Variants in COLQ observed in about 807,000 individuals in gnomAD.
COLQ encodes the protein acetylcholinesterase collagenic tail peptide.
A neutral mutation model predicts 69.0 loss-of-function variants in COLQ; 48 were observed. That is an observed-to-expected ratio of 0.70 (90% CI 0.55 to 0.88). COLQ has a LOEUF of 0.88. Among genes scored for constraint, COLQ ranks in the 40% least tolerant of loss-of-function variants. The pLI, the probability that COLQ is intolerant of heterozygous loss-of-function variation, is 0.00. For missense variants in COLQ, 618 were observed against 594.6 expected, an observed-to-expected ratio of 1.04 and a Z score of -0.41; for synonymous variants, 217 against 211.2, an observed-to-expected ratio of 1.03 and a Z score of -0.24.
Position 15,473,169 on chromosome 3 carries a change from T to C in COLQ, c.636+831A>G, listed in dbSNP as rs1431532837. Among the ~76,000 whole-genome samples the C allele has an allele frequency of 1.3e-5, 2 of 152,154 alleles. No homozygotes were observed. Among genetic ancestry groups the C allele is most frequent in the Admixed American group, 6.5e-5 (1 of 15,284 alleles). ...AAATATTTAACTATTTATTTATTTATTGAGACAGGGTCTGCCTCTGTGGCC... is the reference window on the plus strand; with the variant it reads ...AAATATTTAACTATTTATTTATTTACTGAGACAGGGTCTGCCTCTGTGGCC... On this transcript the variant is annotated intron_variant, in intron 10 of 16. Transcript: ENST00000383788. This position sits in a 1 kb window ranked among gnomAD's most constrained non-coding sequence, Gnocchi z 4.0.
At chr3:15,486,309 T>C (rs762286229) in intron 3 of COLQ, among the ~76,000 whole-genome samples, 1 of 152,218 alleles carries the variant, frequency 6.6e-6, no homozygotes, top group Non-Finnish European at 1.5e-5. Context: ...TCTGATAGAA[T>C]GAATTTGTCA....
intron 1 of COLQ, among the ~76,000 whole-genome samples, chr3:15,506,152 C>T (rs2062908181): frequency 6.6e-6 from 1 of 152,208 alleles, no homozygotes; most frequent in Admixed American, 6.5e-5. Context: ...CACTTATCAA[C>T]TGAGCAAGTT....
chr3:15,458,513 C>T (rs534822916), intron 12 of COLQ, among the ~76,000 whole-genome samples, 188 bp from the exon 13 acceptor site: 4 of 152,342 alleles, frequency 2.6e-5, no homozygotes, highest in Admixed American at 2.6e-4. Context: ...AGAAAAATAG[C>T]TGGTAGGCGA....
At chr3:15,479,227 CAG>C (rs764660422) in intron 4 of COLQ, 109 bp downstream of exon 4, 6 of 1,259,542 alleles carry the variant, frequency 4.8e-6, no homozygotes, top group Non-Finnish European at 7.0e-6. Flanking sequence ...CTCACCAAGG[CAG>C]AGTTAGCACA....
intron 5 of COLQ, chr3:15,477,633 T>C (rs1473426830): frequency 5.5e-6 from 1 of 181,720 alleles, no homozygotes; most frequent in African/African-American, 2.4e-5. Flanking sequence ...CCTTCCTTGC[T>C]GCTAACAGCT....
chr3:15,508,786 G>T (rs1343620456), intron 1 of COLQ, among the ~76,000 whole-genome samples: 3 of 151,874 alleles, frequency 2.0e-5, no homozygotes, highest in South Asian at 2.1e-4. Context: ...CAAATTTTCA[G>T]TCTCATTCAT....
intron 8 of COLQ, 126 bp downstream of exon 8, chr3:15,474,799 A>C: frequency 4.5e-6 from 5 of 1,110,020 alleles, no homozygotes; most frequent in Non-Finnish European, 6.8e-6. Context: ...AGGGTGGGGA[A>C]TAGCTAGGGA....
intron 5 of COLQ, among the ~76,000 whole-genome samples, chr3:15,478,239 T>C (rs1195099513): frequency 6.6e-6 from 1 of 152,214 alleles, no homozygotes; most frequent in Non-Finnish European, 1.5e-5. Context: ...ATAGTTTTCA[T>C]CTGTGCCCTA....
chr3:15,489,464 T>C, intron 2 of COLQ, 61 bp downstream of exon 2: 1 of 1,489,820 alleles, frequency 6.7e-7, no homozygotes, highest in Non-Finnish European at 9.4e-7. Flanking sequence ...CAGGTGGGGC[T>C]GCGTGGTGTG....
chr3:15,491,205 A>G (rs539004016), intron 1 of COLQ, among the ~76,000 whole-genome samples: 2 of 152,364 alleles, frequency 1.3e-5, no homozygotes, highest in South Asian at 4.1e-4. Flanking sequence ...AAAAAAAAGA[A>G]AAGTGGGTGT....
chr3:15,467,232 C>A (rs2062213456), intron 11 of COLQ, among the ~76,000 whole-genome samples: 1 of 152,246 alleles, frequency 6.6e-6, no homozygotes, highest in African/African-American at 2.4e-5. Context: ...TGGTAGGCAG[C>A]TTTGCTGATC....
intron 3 of COLQ, among the ~76,000 whole-genome samples, chr3:15,483,820 G>T (rs1019984110): frequency 6.6e-6 from 1 of 152,266 alleles, no homozygotes; most frequent in East Asian, 1.9e-4. Flanking sequence ...GGGTGTTGAA[G>T]TCTCCCATTA....
chr3:15,512,391 G>T (rs2062998668), intron 1 of COLQ, among the ~76,000 whole-genome samples: 1 of 152,190 alleles, frequency 6.6e-6, no homozygotes, highest in Non-Finnish European at 1.5e-5. Context: ...AGAGATAAGT[G>T]CGGGCTTGAA....
intron 1 of COLQ, among the ~76,000 whole-genome samples, chr3:15,516,934 G>A (rs2063071045): frequency 6.6e-6 from 1 of 152,172 alleles, no homozygotes; most frequent in South Asian, 2.1e-4. Context: ...TTGAGGTCAG[G>A]AGTTCGAGAC....
rs749985637 is a variant in COLQ at position 15,451,455 on chromosome 3, G to A, written c.*189C>T. On this transcript the variant is annotated 3_prime_UTR_variant, in exon 17 of 17. Transcript: ENST00000383788. ...AAGGTTTTCCAGTACCTTGGATTAAGACAGGATGCAGTGGTCCTAAATTCT... is the reference window on the plus strand; with the variant it reads ...AAGGTTTTCCAGTACCTTGGATTAAAACAGGATGCAGTGGTCCTAAATTCT... 4.2e-4 allele frequency: 299 copies of A among 719,418 alleles called. 1 individual carries two copies. The highest frequency in any genetic ancestry group is 6.2e-4 in the Non-Finnish European group (240 of 388,358). 44.6% of individuals were successfully genotyped at this position (719,418 alleles called of 1,614,324 possible).
intron 15 of COLQ, among the ~76,000 whole-genome samples, chr3:15,455,220 C>T (rs1372625614): frequency 2.0e-5 from 3 of 152,198 alleles, no homozygotes; most frequent in Admixed American, 6.5e-5. Flanking sequence ...TAAATTGCCC[C>T]CCATTACCCC....
intron 6 of COLQ, 120 bp from the exon 7 acceptor site, chr3:15,475,607 G>A (rs1319328371): frequency 3.3e-5 from 29 of 874,934 alleles, no homozygotes; most frequent in Non-Finnish European, 5.0e-5. Flanking sequence ...TAAATCTGAG[G>A]ACCCCAGATG....
At chr3:15,487,870 A>G (rs1359212809) in intron 3 of COLQ, among the ~76,000 whole-genome samples, 1 of 152,170 alleles carries the variant, frequency 6.6e-6, no homozygotes, top group East Asian at 1.9e-4. Flanking sequence ...CAATGGTTAC[A>G]TAAGGGGCAC....
chr3:15,453,275 C>G (rs2061974825), intron 16 of COLQ, among the ~76,000 whole-genome samples: 1 of 152,160 alleles, frequency 6.6e-6, no homozygotes, highest in African/African-American at 2.4e-5. Context: ...TGAGGACTCT[C>G]AGAAATAACT....
Sources: allele counts gnomAD v4.1 joint callset (sites outside exome capture counted in the v4.1 genomes callset), GRCh38; gene constraint gnomAD v4.1.1; non-coding constraint Gnocchi (gnomAD v3.1); transcripts MANE v1.5; gene names NCBI Gene and HGNC (gene_info 2026-07-23, HGNC 2026-07-21).